ZNF536: variants seen among roughly 807,000 people sequenced by gnomAD.
The protein encoded by ZNF536 is zinc finger protein 536.
Under a neutral mutation model 84.5 loss-of-function variants are expected in ZNF536, and 13 were observed. That is an observed-to-expected ratio of 0.15 (90% CI 0.10 to 0.24). The LOEUF (loss-of-function observed/expected upper bound fraction) is 0.24. Among genes scored for constraint, ZNF536 ranks in the 10% least tolerant of loss-of-function variants. The pLI is 1.00. For missense variants in ZNF536, 1,536 were observed against 1,747.5 expected (o/e 0.88, Z 2.16); for synonymous variants, 811 against 742.5 (o/e 1.09, Z -1.50).
intron 1 of ZNF536, among the ~76,000 whole-genome samples, chr19:30,643,122 C>A (rs1236758130): frequency 6.6e-6 from 1 of 152,192 alleles, no homozygotes; most frequent in Non-Finnish European, 1.5e-5. Context: ...CATCCTTTCC[C>A]AAGTTATTGG....
chr19:30,532,028 G>T (rs1221001143), intron 2 of ZNF536, among the ~76,000 whole-genome samples: 3 of 152,126 alleles, frequency 2.0e-5, no homozygotes, highest in African/African-American at 7.2e-5. Context: ...TTCCACAGTG[G>T]CTCCTTGCTA....
intron 1 of ZNF536, among the ~76,000 whole-genome samples, chr19:30,623,089 A>G (rs918368393): frequency 3.4e-5 from 5 of 147,534 alleles, no homozygotes; most frequent in African/African-American, 1.3e-4. Context: ...CCAGACTGGA[A>G]CACCAGTGGA....
chr19:30,229,582 C>T (rs1423132424), intron 1 of ZNF536, among the ~76,000 whole-genome samples: 1 of 150,444 alleles, frequency 6.6e-6, no homozygotes, highest in African/African-American at 2.5e-5. Context: ...GGGGGGGGCT[C>T]AGCTTTCAGT....
chr19:30,676,637 T>C (rs1600232388), intron 1 of ZNF536, among the ~76,000 whole-genome samples: 1 of 152,254 alleles, frequency 6.6e-6, no homozygotes, highest in Non-Finnish European at 1.5e-5. Context: ...TATAGGATGG[T>C]GTTTGCATCT....
chr19:30,233,077 G>C (rs941996705), intron 1 of ZNF536, among the ~76,000 whole-genome samples: 4 of 152,196 alleles, frequency 2.6e-5, no homozygotes, highest in Non-Finnish European at 5.9e-5. Flanking sequence ...GGGTTGGACT[G>C]TGCACTAAAC....
At chr19:30,639,366 A>G (rs1299784778) in intron 1 of ZNF536, among the ~76,000 whole-genome samples, 1 of 152,218 alleles carries the variant, frequency 6.6e-6, no homozygotes, top group Non-Finnish European at 1.5e-5. Context: ...TAACCAATAT[A>G]AAGAGTATTA....
At chr19:30,622,466 C>T (rs897118628) in intron 1 of ZNF536, among the ~76,000 whole-genome samples, 4 of 152,218 alleles carry the variant, frequency 2.6e-5, no homozygotes, top group Non-Finnish European at 2.9e-5. Context: ...ACCGGTGGGT[C>T]AGAAGTGGCC....
At chr19:30,229,696 A>G (rs2022886511) in intron 1 of ZNF536, among the ~76,000 whole-genome samples, 1 of 152,230 alleles carries the variant, frequency 6.6e-6, no homozygotes, top group Admixed American at 6.5e-5. Flanking sequence ...TCATTCTGAT[A>G]GCGGAGTGCA....
chr19:30,460,153 C>T (rs1386985357), intron 2 of ZNF536, among the ~76,000 whole-genome samples: 1 of 152,132 alleles, frequency 6.6e-6, no homozygotes, highest in African/African-American at 2.4e-5. Context: ...TGTTTTTGTA[C>T]TATTATGCCC....
At chr19:30,356,026 C>T (rs763593074) in intron 3 of ZNF536, among the ~76,000 whole-genome samples, 2 of 152,194 alleles carry the variant, frequency 1.3e-5, no homozygotes, top group Non-Finnish European at 2.9e-5. Context: ...TGTGCCTGGC[C>T]CAGAGTGCCA....
intron 1 of ZNF536, among the ~76,000 whole-genome samples, chr19:30,568,770 C>T (rs1200323606): frequency 3.3e-5 from 5 of 152,160 alleles, no homozygotes; most frequent in Non-Finnish European, 7.4e-5. Context: ...AGTGGGACCC[C>T]GGTGATGGGG....
At chr19:30,529,617 A>T (rs529077770) in intron 2 of ZNF536, among the ~76,000 whole-genome samples, 2 of 152,328 alleles carry the variant, frequency 1.3e-5, no homozygotes, top group Admixed American at 1.3e-4. Context: ...GCGAATGGGC[A>T]TGTAGACAAC....
intron 2 of ZNF536, among the ~76,000 whole-genome samples, chr19:30,521,926 T>C (rs2145720448): frequency 6.6e-6 from 1 of 152,150 alleles, no homozygotes; most frequent in Non-Finnish European, 1.5e-5. Context: ...CTCCTCTCAG[T>C]CTCTACAAGG....
At chr19:30,405,650 A>G (rs996321953) in intron 1 of ZNF536, among the ~76,000 whole-genome samples, 6 of 152,118 alleles carry the variant, frequency 3.9e-5, no homozygotes, top group Non-Finnish European at 8.8e-5. Flanking sequence ...GTAGTCTAGA[A>G]GGTGGATTTT....
At chr19:30,652,553 TC>T (rs1157094817) in intron 1 of ZNF536, among the ~76,000 whole-genome samples, 1 of 152,112 alleles carries the variant, frequency 6.6e-6, no homozygotes, top group Non-Finnish European at 1.5e-5. Flanking sequence ...AGCAGGCATT[TC>T]CACCGTCATC....
chr19:30,528,441 A>G (rs1269823630), intron 2 of ZNF536, among the ~76,000 whole-genome samples: 2 of 152,054 alleles, frequency 1.3e-5, no homozygotes, highest in African/African-American at 4.8e-5. Flanking sequence ...GACTCCCTGG[A>G]AGATTGGATA....
intron 1 of ZNF536, among the ~76,000 whole-genome samples, chr19:30,686,602 C>T (rs963387610): frequency 2.6e-5 from 4 of 152,200 alleles, no homozygotes; most frequent in African/African-American, 9.6e-5. Flanking sequence ...CCTCTTAGTC[C>T]CTTACCAAGA....
At chr19:30,249,334 AAGGAGAAGG>A (rs947453652) in intron 1 of ZNF536, among the ~76,000 whole-genome samples, 5 of 146,732 alleles carry the variant, frequency 3.4e-5, no homozygotes. Flanking sequence ...ACAGGAAAAG[AAGGAGAAGG>A]AGGAGAAGGA....
At chr19:30,597,150 C>T (rs958105611) in intron 1 of ZNF536, among the ~76,000 whole-genome samples, 11 of 152,224 alleles carry the variant, frequency 7.2e-5, no homozygotes, top group African/African-American at 2.4e-4. Context: ...TGCACCAGTG[C>T]GCAAGCATGC....
Sources: gnomAD v4.1 joint callset for allele counts (sites outside exome capture counted in the v4.1 genomes callset) on GRCh38, gnomAD v4.1.1 for gene constraint, MANE v1.5 for transcripts, NCBI Gene and HGNC (gene_info 2026-07-23, HGNC 2026-07-21) for gene names.